NUP205: variants seen among roughly 807,000 people sequenced by gnomAD.
The protein encoded by NUP205 is nucleoporin 205.
Under a neutral mutation model 253.8 loss-of-function variants are expected in NUP205, and 76 were observed. The observed-to-expected ratio is 0.30, with a 90% CI of 0.25 to 0.36. NUP205 has a LOEUF of 0.36. Among genes scored for constraint, NUP205 ranks in the 10% least tolerant of loss-of-function variants. The pLI is 1.00. For missense variants in NUP205, 2,162 were observed against 2,425.5 expected (o/e 0.89, Z 2.28); for synonymous variants, 832 against 850.1 (o/e 0.98, Z 0.37).
rs758131066 is a variant in NUP205, at chr7:135,577,099, G to A, written c.619G>A (p.Gly207Ser). ...GTTTGAGAAACTACAGCGAGAGAGA[G>A]GTTTGGGCAGTGAAAAACATCGCAA... ...NEFEKLQRER[G>S]LGSEKHRKEV... Residue 207 changes from glycine (G) to serine (S), a missense_variant, in exon 5 of 43, where the codon GGT (glycine) becomes AGT (serine). Physicochemically the swap from Gly to Ser is moderately conservative, Grantham distance 56. Transcript: ENST00000285968. The A allele has an allele frequency of 6.2e-6, 10 of 1,612,886 alleles. No individual in the cohort carries two copies. Among genetic ancestry groups the A allele is most frequent in the African/African-American group, 1.3e-5 (1 of 74,808 alleles).
rs149224545 is a variant in NUP205 at position 135,577,091 on chromosome 7, G to A, written c.611G>A (p.Arg204Gln). Residue 204 changes from arginine (R) to glutamine (Q), a missense_variant, in exon 5 of 43, where the codon CGA (arginine) becomes CAA (glutamine). By Grantham distance (43) the Arg-to-Gln change is conservative (BLOSUM62 1). This residue lies in a region of NUP205 where 892 missense variants were observed against 957.1 expected (regional missense o/e 0.93). Transcript: ENST00000285968. The stretch of plus-strand genomic sequence containing the variant: ...AATAATGAGTTTGAGAAACTACAGC[G>A]AGAGAGAGGTTTGGGCAGTGAAAAA... ...DVNNEFEKLQ[R>Q]ERGLGSEKHR... The A allele has an allele frequency of 6.2e-6, 10 of 1,613,750 alleles. No individual in the cohort carries two copies. In the South Asian group the frequency reaches 6.6e-5, roughly 11 times the overall value.
At chr7:135,570,046 TATATATAGAGAGAGAGAGAG>T (rs1321237378) in intron 1 of NUP205, among the ~76,000 whole-genome samples, 2 of 102,356 alleles carry the variant, frequency 2.0e-5, no homozygotes, top group Admixed American at 1.0e-4. Context: ...TATATATATA[TATATATAGAGAGAGAGAGAG>T]AGAGAGAGAG....
At chr7:135,609,692 G>T (rs900154542) in intron 22 of NUP205, among the ~76,000 whole-genome samples, 7 of 151,770 alleles carry the variant, frequency 4.6e-5, no homozygotes, top group Non-Finnish European at 8.8e-5. Context: ...AGTGTTACTG[G>T]CATGGATATT....
chr7:135,606,863 G>A lies in NUP205; in HGVS notation c.3018G>A (p.Leu1006=), dbSNP rs148939481. Residue 1006 remains leucine, a synonymous_variant, in exon 21 of 43, where the codon CTG becomes CTA. Transcript: ENST00000285968. ...ATCCACCCAATCTTGCTCTCTACCT[G>A]TTGGGCTTTGAATTGAAAAAACCTG... The part of the protein sequence containing the change: ...ECNPPNLALY[L]LGFELKKPVS... 2 of 1,614,012 alleles carry A rather than the reference G, an allele frequency of 1.2e-6. No individual in the cohort carries two copies. Among genetic ancestry groups the A allele is most frequent in the South Asian group, 2.2e-5 (2 of 91,082 alleles).
At chr7:135,635,240 C>G (rs1794785177) in intron 35 of NUP205, 1 of 161,682 alleles carries the variant, frequency 6.2e-6, no homozygotes, top group Non-Finnish European at 1.3e-5. Flanking sequence ...GCATTTTATT[C>G]TTACTGTTTC....
chr7:135,631,995 T>C (rs1274976118), intron 35 of NUP205, among the ~76,000 whole-genome samples: 1 of 152,154 alleles, frequency 6.6e-6, no homozygotes, highest in African/African-American at 2.4e-5. Flanking sequence ...TCTGCCCGCC[T>C]CGGCCTCCCA....
intron 1 of NUP205, among the ~76,000 whole-genome samples, chr7:135,566,968 T>A (rs1805778714): frequency 6.6e-6 from 1 of 151,250 alleles, no homozygotes; most frequent in South Asian, 2.1e-4. Context: ...CTCGAACTCC[T>A]GACCTCGTGA....
In NUP205 at chr7:135,614,058, C is replaced by T. The variant is rs117318173; in HGVS notation, c.3196-101C>T. On this transcript the variant is annotated intron_variant, in intron 22 of 42. Transcript: ENST00000285968. ...CATTTTACTTGAGTTGTTGATGGGT[C>T]CTAGTTTTTCACTTAGTAGGTCTAA... 0.016 allele frequency: 9,728 copies of T among 623,554 alleles called. 115 individuals are homozygous for T. Among genetic ancestry groups the T allele is most frequent in the Non-Finnish European group, 0.021 (7,565 of 352,944 alleles). The allele number at this position is 623,554 out of a possible 1,614,324, so 38.6% of individuals were successfully genotyped here.
At chr7:135,608,681 T>A (rs2129490805) in intron 22 of NUP205, among the ~76,000 whole-genome samples, 1 of 151,696 alleles carries the variant, frequency 6.6e-6, no homozygotes, top group Non-Finnish European at 1.5e-5. Flanking sequence ...GCACTCCAGC[T>A]GGGTGGCAAA....
chr7:135,630,591 C>T, intron 35 of NUP205, 121 bp downstream of exon 35: 1 of 743,520 alleles, frequency 1.3e-6, no homozygotes, highest in African/African-American at 1.8e-5. Context: ...GTACTGCTAA[C>T]AGAGCCTTTA....
intron 40 of NUP205, 88 bp from the exon 41 acceptor site, chr7:135,645,380 C>T (rs1203868996): frequency 1.5e-6 from 2 of 1,329,102 alleles, no homozygotes; most frequent in African/African-American, 1.5e-5. Flanking sequence ...TAAGTGAGTG[C>T]AGTCTGTCCT....
At chr7:135,630,537 G>GT (rs1563136531) in intron 35 of NUP205, 67 bp downstream of exon 35, 13 of 1,440,928 alleles carry the variant, frequency 9.0e-6, no homozygotes, top group East Asian at 2.6e-5. Flanking sequence ...AATAGAATGA[G>GT]TTTTTTTGTT....
intron 10 of NUP205, among the ~76,000 whole-genome samples, chr7:135,589,744 A>G (rs975012748): frequency 6.6e-6 from 1 of 151,298 alleles, no homozygotes; most frequent in African/African-American, 2.4e-5. Flanking sequence ...TAGTCTGAGC[A>G]ACATGGTGAA....
chr7:135,629,518 T>C (rs1794663933), intron 34 of NUP205, among the ~76,000 whole-genome samples: 1 of 140,350 alleles, frequency 7.1e-6, no homozygotes. Context: ...TCTGTCTCTC[T>C]CTCTGTCTCT....
At chr7:135,574,512 CG>C (rs1455482198) in intron 3 of NUP205, among the ~76,000 whole-genome samples, 2 of 151,796 alleles carry the variant, frequency 1.3e-5, no homozygotes, top group Non-Finnish European at 2.9e-5. Context: ...AAGGCTTTTC[CG>C]GGGAGAGCAA....
Position 135,606,246 on chromosome 7 carries a change from G to T in NUP205, c.2905+20G>T. 7.0e-7 allele frequency: 1 copy of T among 1,430,214 alleles called. No individual in the cohort carries two copies. Among genetic ancestry groups the T allele is most frequent in the Non-Finnish European group, 9.8e-7 (1 of 1,015,802 alleles). 88.6% of individuals were successfully genotyped at this position (1,430,214 alleles called of 1,614,324 possible). ...AAGAGGGTATGCCTTAGATTAATGT[G>T]CATACACGCATTCTTTTACTTTTTA... On this transcript the variant is annotated intron_variant, in intron 20 of 42. Transcript: ENST00000285968.
intron 11 of NUP205, 21 bp from the exon 12 acceptor site, chr7:135,592,966 C>T (rs1356394300): frequency 6.6e-7 from 1 of 1,511,694 alleles, no homozygotes; most frequent in Non-Finnish European, 9.2e-7. Flanking sequence ...AAATAAAATT[C>T]TGTGCTGTTT....
At position 135,628,064 on chromosome 7, in the gene NUP205, G is replaced by A. The variant is rs753647977; in HGVS notation, c.4885G>A (p.Val1629Ile). ...CCTCCCAGCTCTCCAGCTGTGCCAG[G>A]TCATCCTCACATCTAGTATGGCCCA... Reference protein sequence around the residue: ...ILLPALQLCQVILTSSMAQHL... With the variant: ...ILLPALQLCQIILTSSMAQHL... Residue 1629 changes from valine to isoleucine, a missense_variant, in exon 34 of 43, where the codon GTC (valine) becomes ATC (isoleucine). This residue lies in a region of NUP205 where 1,144 missense variants were observed against 1,280.9 expected (regional missense o/e 0.89). Coordinates refer to ENST00000285968, the MANE Select transcript of NUP205 (RefSeq NM_015135.3). 2 of 1,610,580 alleles carry A rather than the reference G, an allele frequency of 1.2e-6. No individual in the cohort carries two copies. Among genetic ancestry groups the A allele is most frequent in the Non-Finnish European group, 1.7e-6 (2 of 1,179,388 alleles).
At chr7:135,619,750 G>A (rs1374203314) in intron 29 of NUP205, 40 bp from the exon 30 acceptor site, 5 of 1,595,672 alleles carry the variant, frequency 3.1e-6, no homozygotes, top group Non-Finnish European at 4.3e-6. Flanking sequence ...AACTTTAATT[G>A]AGAAAAGATT....
Sources: gnomAD v4.1 joint callset for allele counts (sites outside exome capture counted in the v4.1 genomes callset) on GRCh38, gnomAD v4.1.1 for gene constraint, gnomAD v4.1.1 regional missense constraint, MANE v1.5 for transcripts, NCBI Gene and HGNC (gene_info 2026-07-23, HGNC 2026-07-21) for gene names.